The following ERGIC1 variants were observed in gnomAD, a reference collection of about 807,000 sequenced individuals.
ERGIC1 encodes endoplasmic reticulum-Golgi intermediate compartment protein 1.
Under a neutral mutation model 38.3 loss-of-function variants are expected in ERGIC1, and 19 were observed. The observed-to-expected ratio is 0.50, with a 90% CI of 0.35 to 0.73. The LOEUF (loss-of-function observed/expected upper bound fraction) is 0.73. Ranked by LOEUF, ERGIC1 falls within the 30% of genes least tolerant of loss-of-function variation. The pLI is 0.01. For synonymous variants in ERGIC1, 124 were observed against 157.6 expected (o/e 0.79, Z 1.60); for missense variants, 294 against 389.2 (o/e 0.76, Z 2.06).
In ERGIC1 at chr5:172,926,622, G is replaced by A. The variant is rs753928883; in HGVS notation, c.541+53G>A. The A allele has an allele frequency of 3.0e-5, 48 of 1,597,888 alleles. No homozygotes were observed. Among genetic ancestry groups the A allele is most frequent in the Non-Finnish European group, 3.9e-5 (46 of 1,172,790 alleles). ...CTGCTCCAAGATGCCCAGTACAGCA[G>A]GCAGGGAGGGGGAGGGCAGAGAGGT... On this transcript the variant is annotated intron_variant, in intron 7 of 9. Transcript: ENST00000393784. This position sits in a 1 kb window ranked among gnomAD's most constrained non-coding sequence, Gnocchi z 5.2.
In ERGIC1 at chr5:172,877,456, ATAT is replaced by A. The variant is rs1221885514; in HGVS notation, c.21-11241_21-11239del. 2.8e-3 allele frequency among the ~76,000 whole-genome samples: 220 copies of A among 79,762 alleles called. 2 individuals are homozygous for A. Among genetic ancestry groups the A allele is most frequent in the East Asian group, 0.016 (47 of 2,982 alleles). 52.3% of individuals were successfully genotyped at this position (79,762 alleles called of 152,430 possible). A position where few individuals can be genotyped will look rare whatever the true frequency, so the allele number is the denominator to read the frequency against. ...TGTGTGTGTGTATATATATATATAT[ATAT>A]TTTTTTTTTTTTTTTTTGAGATGGA... is the stretch of plus-strand genomic sequence containing the variant. On this transcript the variant is annotated intron_variant, in intron 1 of 9. Coordinates refer to ENST00000393784, the MANE Select transcript of ERGIC1 (RefSeq NM_001031711.3).
chr5:172,841,218 G>A (rs1469352983), intron 1 of ERGIC1, among the ~76,000 whole-genome samples: 1 of 152,312 alleles, frequency 6.6e-6, no homozygotes, highest in Admixed American at 6.5e-5. Context: ...AACCTCCAAC[G>A]CTGGCTGTCT....
intron 9 of ERGIC1, among the ~76,000 whole-genome samples, chr5:172,946,297 C>A (rs889166613): frequency 3.9e-5 from 6 of 152,198 alleles, no homozygotes; most frequent in African/African-American, 1.4e-4. Flanking sequence ...TTTTCAGTTT[C>A]ATTCATTAGT....
intron 2 of ERGIC1, among the ~76,000 whole-genome samples, chr5:172,889,531 G>A (rs1233923688): frequency 1.3e-5 from 2 of 152,152 alleles, no homozygotes; most frequent in Admixed American, 6.5e-5. Flanking sequence ...AGAGGAGCCT[G>A]GAGTGCCTGG....
At chr5:172,863,514 G>T (rs749398907) in intron 1 of ERGIC1, among the ~76,000 whole-genome samples, 1 of 152,118 alleles carries the variant, frequency 6.6e-6, no homozygotes, top group African/African-American at 2.4e-5. Flanking sequence ...GCGATCAGCC[G>T]CACCTTCAGG....
chr5:172,896,905 C>A, intron 2 of ERGIC1, 97 bp from the exon 3 acceptor site: 1 of 1,173,116 alleles, frequency 8.5e-7, no homozygotes, highest in Non-Finnish European at 1.3e-6. Flanking sequence ...AGCCCCACAC[C>A]CTTGTCCTGG....
intron 3 of ERGIC1, among the ~76,000 whole-genome samples, chr5:172,901,584 CTTTATT>C (rs1363049660): frequency 1.3e-5 from 2 of 152,076 alleles, no homozygotes; most frequent in African/African-American, 2.4e-5. Flanking sequence ...TAGGTCAGCA[CTTTATT>C]TTTATTTTTA....
intron 1 of ERGIC1, among the ~76,000 whole-genome samples, chr5:172,862,647 GA>G (rs1163343505): frequency 6.6e-6 from 1 of 152,168 alleles, no homozygotes; most frequent in Non-Finnish European, 1.5e-5. Context: ...GTCAGGATAT[GA>G]AAAACTTCCC....
chr5:172,920,404 G>A, intron 5 of ERGIC1: 1 of 717,880 alleles, frequency 1.4e-6, no homozygotes, highest in Non-Finnish European at 2.6e-6. Context: ...TGCGTGTTTT[G>A]AGCAGCAGCG....
At chr5:172,936,155 T>G (rs1193680704) in intron 9 of ERGIC1, 1 of 152,234 alleles carries the variant, frequency 6.6e-6, no homozygotes, top group African/African-American at 2.4e-5. Context: ...TAGTCAGGAC[T>G]CTGTTACCGA....
At chr5:172,941,981 C>T (rs772308614) in intron 9 of ERGIC1, among the ~76,000 whole-genome samples, 13 of 152,056 alleles carry the variant, frequency 8.5e-5, no homozygotes, top group Admixed American at 4.6e-4. Flanking sequence ...CCGAGGTGGG[C>T]GGATCACAAG....
intron 1 of ERGIC1, among the ~76,000 whole-genome samples, chr5:172,838,261 A>C (rs1386903370): frequency 6.6e-6 from 1 of 152,230 alleles, no homozygotes; most frequent in Non-Finnish European, 1.5e-5. Flanking sequence ...GCCCAGTGCA[A>C]AATGAAAATG....
chr5:172,923,368 G>A (rs1763574127), intron 5 of ERGIC1, among the ~76,000 whole-genome samples: 2 of 136,948 alleles, frequency 1.5e-5, no homozygotes, highest in South Asian at 4.5e-4. Context: ...GGAGGAGGAG[G>A]GGGAGGAGGG....
intron 1 of ERGIC1, among the ~76,000 whole-genome samples, chr5:172,838,995 C>G (rs1761094388): frequency 6.6e-6 from 1 of 152,056 alleles, no homozygotes; most frequent in Non-Finnish European, 1.5e-5. Context: ...AATCCCAGCA[C>G]TTTGGGAGGC....
chr5:172,879,556 A>C (rs191438241), intron 1 of ERGIC1, among the ~76,000 whole-genome samples: 1 of 152,138 alleles, frequency 6.6e-6, no homozygotes, highest in Non-Finnish European at 1.5e-5. Context: ...TCTTTTCCCT[A>C]TGGGTTCCTT....
intron 1 of ERGIC1, among the ~76,000 whole-genome samples, chr5:172,838,381 C>T (rs1015901762): frequency 5.3e-5 from 8 of 152,178 alleles, no homozygotes; most frequent in African/African-American, 1.9e-4. Context: ...CTGCACAGGT[C>T]ATGCGGCCCT....
chr5:172,864,855 C>T (rs1004865218), intron 1 of ERGIC1, among the ~76,000 whole-genome samples: 1 of 151,556 alleles, frequency 6.6e-6, no homozygotes, highest in African/African-American at 2.4e-5. Context: ...CAGAGAGGGA[C>T]ATCACTTAAG....
intron 1 of ERGIC1, among the ~76,000 whole-genome samples, chr5:172,856,005 A>G (rs551272539): frequency 6.6e-6 from 1 of 152,338 alleles, no homozygotes; most frequent in East Asian, 1.9e-4. Flanking sequence ...TAGTTCATCA[A>G]ATGTCACTTA....
At chr5:172,934,680 C>T (rs922086893) in intron 8 of ERGIC1, 3 of 171,882 alleles carry the variant, frequency 1.7e-5, no homozygotes, top group African/African-American at 7.1e-5. Context: ...CTCCATCCCA[C>T]ATGCATGATG....
Sources: allele counts gnomAD v4.1 joint callset (sites outside exome capture counted in the v4.1 genomes callset), GRCh38; gene constraint gnomAD v4.1.1; non-coding constraint Gnocchi (gnomAD v3.1); transcripts MANE v1.5; gene names NCBI Gene and HGNC (gene_info 2026-07-23, HGNC 2026-07-21).